The following DSCAML1 variants were observed in gnomAD, a reference collection of about 807,000 sequenced individuals.
DSCAML1 encodes the protein DS cell adhesion molecule like 1.
In DSCAML1, 38 loss-of-function variants were observed where a neutral mutation model predicts 200.5. The ratio of observed to expected loss-of-function variants is 0.19; its 90% CI spans 0.15 to 0.25. DSCAML1 has a LOEUF of 0.25. Among genes scored for constraint, DSCAML1 ranks in the 10% least tolerant of loss-of-function variants. The pLI, the probability that DSCAML1 is intolerant of heterozygous loss-of-function variation, is 1.00. For synonymous variants in DSCAML1, 1,215 were observed against 1,165.0 expected (o/e 1.04, Z -0.87); for missense variants, 2,223 against 2,858.8 (o/e 0.78, Z 5.07).
chr11:117,617,206 A>G (rs1266465019), intron 3 of DSCAML1, among the ~76,000 whole-genome samples: 1 of 152,150 alleles, frequency 6.6e-6, no homozygotes, highest in Non-Finnish European at 1.5e-5. Flanking sequence ...GGTGTTTCAG[A>G]CTGTCCTAAG....
At chr11:117,664,200 G>C (rs139645962) in intron 3 of DSCAML1, among the ~76,000 whole-genome samples, 46 of 152,390 alleles carry the variant, frequency 3.0e-4, no homozygotes, top group African/African-American at 1.1e-3. Flanking sequence ...CCCACATTCA[G>C]CCAGACTTGC....
chr11:117,594,637 G>A (rs925986957), intron 3 of DSCAML1, among the ~76,000 whole-genome samples: 11 of 152,296 alleles, frequency 7.2e-5, no homozygotes, highest in South Asian at 2.1e-4. Flanking sequence ...CTGACATCCC[G>A]CAGACCTGCA....
intron 3 of DSCAML1, among the ~76,000 whole-genome samples, chr11:117,585,287 G>A (rs1831006671): frequency 6.6e-6 from 1 of 151,814 alleles, no homozygotes; most frequent in Non-Finnish European, 1.5e-5. Context: ...GTCTTGCTCT[G>A]TCACCAGGCT....
In DSCAML1 at chr11:117,428,306, G is replaced by T; in HGVS notation, c.*22C>A. ...GGCTGCGGCGCGGCGCGGTCCAGGCGTGGCTGCTCTTCCTGCGGGCCCTAC... is the reference window on the plus strand; with the variant it reads ...GGCTGCGGCGCGGCGCGGTCCAGGCTTGGCTGCTCTTCCTGCGGGCCCTAC... On this transcript the variant is annotated 3_prime_UTR_variant, in exon 33 of 33. Coordinates refer to ENST00000651296, the MANE Select transcript of DSCAML1 (RefSeq NM_020693.4). The T allele has an allele frequency of 1.5e-6, 2 of 1,361,430 alleles. No individual in the cohort carries two copies. The highest frequency in any genetic ancestry group is 1.2e-5 in the South Asian group (1 of 82,934). 84.3% of individuals were successfully genotyped at this position (1,361,430 alleles called of 1,614,324 possible).
intron 3 of DSCAML1, among the ~76,000 whole-genome samples, chr11:117,632,451 T>C (rs1435782743): frequency 2.0e-5 from 3 of 152,172 alleles, no homozygotes; most frequent in East Asian, 3.9e-4. Flanking sequence ...AGCCTTCTTG[T>C]TTAAACTTTG....
chr11:117,428,653 A>G lies in DSCAML1; in HGVS notation c.5837T>C (p.Leu1946Pro). 19 of 1,611,908 alleles carry G rather than the reference A, an allele frequency of 1.2e-5. No individual in the cohort carries two copies. Among genetic ancestry groups the G allele is most frequent in the Non-Finnish European group, 1.6e-5 (19 of 1,179,268 alleles). ...TYHTQARHLT[L>P]DPASKSLGLP... ...GCCCAAGGACTTGCTGGCAGGGTCC[A>G]GGGTCAGGTGGCGAGCCTGGGTGTG... Residue 1946 changes from leucine (L) to proline (P), a missense_variant, in exon 33 of 33, where the codon CTG (leucine) becomes CCG (proline). Leu to Pro is a moderately conservative substitution (Grantham distance 98). Coordinates refer to ENST00000651296, the MANE Select transcript of DSCAML1 (RefSeq NM_020693.4).
intron 16 of DSCAML1, among the ~76,000 whole-genome samples, chr11:117,468,925 G>A (rs1426158497): frequency 5.3e-5 from 8 of 152,180 alleles, no homozygotes; most frequent in South Asian, 2.1e-4. Context: ...GAAAGTCACC[G>A]TGGACAATTG....
intron 3 of DSCAML1, among the ~76,000 whole-genome samples, chr11:117,542,116 C>T (rs899976627): frequency 3.3e-5 from 5 of 152,150 alleles, no homozygotes; most frequent in Non-Finnish European, 5.9e-5. Flanking sequence ...TTGAGACCAG[C>T]CTGGGCAACA....
At chr11:117,575,186 C>A (rs1005476178) in intron 3 of DSCAML1, among the ~76,000 whole-genome samples, 3 of 152,110 alleles carry the variant, frequency 2.0e-5, no homozygotes, top group African/African-American at 7.2e-5. Flanking sequence ...AGTGAAACTC[C>A]ATTTCAAAAA....
chr11:117,497,130 A>G (rs2049304716), intron 11 of DSCAML1, among the ~76,000 whole-genome samples: 1 of 152,134 alleles, frequency 6.6e-6, no homozygotes, highest in Non-Finnish European at 1.5e-5. Flanking sequence ...AACGCAACCC[A>G]CTTGTTGAGC....
At chr11:117,542,332 A>AAGC (rs1424469788) in intron 3 of DSCAML1, among the ~76,000 whole-genome samples, 1 of 132,188 alleles carries the variant, frequency 7.6e-6, no homozygotes, top group African/African-American at 3.1e-5. Flanking sequence ...CAAAACACAA[A>AAGC]AACAACAACA....
chr11:117,564,798 CT>C (rs1236554137), intron 3 of DSCAML1, among the ~76,000 whole-genome samples: 1 of 151,016 alleles, frequency 6.6e-6, no homozygotes, highest in Non-Finnish European at 1.5e-5. Context: ...TGGAGTCTCG[CT>C]CTGTCACCCA....
chr11:117,757,077 C>T (rs1160811498), intron 3 of DSCAML1, among the ~76,000 whole-genome samples: 1 of 152,032 alleles, frequency 6.6e-6, no homozygotes, highest in Non-Finnish European at 1.5e-5. Context: ...AGGAGGAGGA[C>T]CTACGGGTGG....
intron 18 of DSCAML1, among the ~76,000 whole-genome samples, chr11:117,460,756 C>T (rs1343979014): frequency 1.3e-5 from 2 of 152,146 alleles, no homozygotes; most frequent in African/African-American, 4.8e-5. Flanking sequence ...TTTCTCTACC[C>T]CCCTGCTCCA....
Position 117,504,838 on chromosome 11 carries a change from G to T in DSCAML1, c.2182+86C>A. The stretch of plus-strand genomic sequence containing the variant: ...TCCCATCCAGGGATAGGAGTTGCCT[G>T]CATGGAACAGGTTCAAATCCCACAG... On this transcript the variant is annotated intron_variant, in intron 10 of 32. Transcript: ENST00000651296. The surrounding 1 kb of genome is among the most constrained non-coding windows in gnomAD (Gnocchi z 5.0). 1 of 1,496,072 alleles carries T rather than the reference G, an allele frequency of 6.7e-7. No individual in the cohort carries two copies. The highest frequency in any genetic ancestry group is 1.5e-5 in the South Asian group (1 of 68,194). 92.7% of individuals were successfully genotyped at this position (1,496,072 alleles called of 1,614,324 possible).
At chr11:117,491,242 T>C (rs1350220004) in intron 11 of DSCAML1, among the ~76,000 whole-genome samples, 1 of 152,194 alleles carries the variant, frequency 6.6e-6, no homozygotes, top group Non-Finnish European at 1.5e-5. Flanking sequence ...ATGACTACGA[T>C]AATAATCATC....
At chr11:117,688,568 G>A (rs1296646281) in intron 3 of DSCAML1, among the ~76,000 whole-genome samples, 3 of 152,208 alleles carry the variant, frequency 2.0e-5, no homozygotes, top group East Asian at 3.9e-4. Context: ...CACAGGACCA[G>A]GAGGCAGGGA....
chr11:117,761,067 G>C (rs986321414), intron 3 of DSCAML1, among the ~76,000 whole-genome samples: 2 of 152,072 alleles, frequency 1.3e-5, no homozygotes, highest in Non-Finnish European at 2.9e-5. Flanking sequence ...TCTACAAGGG[G>C]GTCTCATATC....
intron 3 of DSCAML1, among the ~76,000 whole-genome samples, chr11:117,571,202 G>A (rs561167323): frequency 4.0e-4 from 61 of 152,338 alleles, no homozygotes; most frequent in African/African-American, 1.4e-3. Context: ...GTGGGGGCTT[G>A]AGAAATATCC....
Sources: allele counts gnomAD v4.1 joint callset (sites outside exome capture counted in the v4.1 genomes callset), GRCh38; gene constraint gnomAD v4.1.1; non-coding constraint Gnocchi (gnomAD v3.1); transcripts MANE v1.5; gene names NCBI Gene and HGNC (gene_info 2026-07-23, HGNC 2026-07-21).